Variants in TTN observed in about 807,000 individuals in gnomAD.
The protein encoded by TTN is connectin.
In TTN, 1,525 loss-of-function variants were observed where a neutral mutation model predicts 3,223.0. The ratio of observed to expected loss-of-function variants is 0.47; its 90% CI spans 0.45 to 0.49. The LOEUF (loss-of-function observed/expected upper bound fraction) is 0.49. Ranked by LOEUF, TTN falls within the 20% of genes least tolerant of loss-of-function variation. The pLI, the probability that TTN is intolerant of heterozygous loss-of-function variation, is 0.00. For synonymous variants in TTN, 14,094 were observed against 15,161.0 expected (o/e 0.93, Z 5.17); for missense variants, 40,786 against 43,424.0 (o/e 0.94, Z 5.40).
At position 178,739,566 on chromosome 2, in the gene TTN, A is replaced by C. The variant is rs776109402; in HGVS notation, c.13667T>G (p.Val4556Gly). ...YLDATPVTKG[V>G]ASAVVSDEKQ... The stretch of plus-strand genomic sequence containing the variant: ...TTCGTCAGAGACAACAGCTGAAGCA[A>C]CCCCTTTAGTGACAGGTGTGGCATC... Residue 4556 changes from valine to glycine, a missense_variant, in exon 48 of 363, where the codon GTT (valine) becomes GGT (glycine). Val to Gly is a moderately radical substitution (Grantham distance 109). Transcript: ENST00000589042. 6.2e-7 allele frequency: 1 copy of C among 1,613,694 alleles called. No homozygotes were observed. The highest frequency in any genetic ancestry group is 8.5e-7 in the Non-Finnish European group (1 of 1,179,832).
At chr2:178,527,407 C>A in intron 362 of TTN, 39 bp downstream of exon 362, 1 of 1,596,954 alleles carries the variant, frequency 6.3e-7, no homozygotes, top group Non-Finnish European at 8.6e-7. Context: ...CACCATGTTA[C>A]TTGGCTTGTC....
At chr2:178,604,572 C>A (rs1231206986) in intron 281 of TTN, 136 bp downstream of exon 281, 2 of 1,010,804 alleles carry the variant, frequency 2.0e-6, no homozygotes, top group Non-Finnish European at 2.8e-6. Context: ...TGGGGCTAAA[C>A]ACTACAATAA....
Position 178,571,259 on chromosome 2 carries a change from A to G in TTN, c.74873T>C (p.Leu24958Ser). The change falls in exon 326 of 363, where the codon TTG (leucine) becomes TCG (serine). Residue 24958 changes from leucine (L) to serine (S), a missense_variant. Leu to Ser is a moderately radical substitution (Grantham distance 145). Coordinates refer to ENST00000589042, the MANE Select transcript of TTN (RefSeq NM_001267550.2). ...KERNSILWVK[L>S]NKTPIPQTKF... ...GGTTTGAGGAATAGGTGTTTTATTC[A>G]ACTTAACCCAGAGGATGCTATTTCT... 1 of 1,613,466 alleles carries G rather than the reference A, an allele frequency of 6.2e-7. No homozygotes were observed. The highest frequency in any genetic ancestry group is 1.7e-5 in the Admixed American group (1 of 59,982).
At chr2:178,781,331 C>G (rs2092741472) in intron 20 of TTN, 68 bp from the exon 21 acceptor site, 1 of 1,571,690 alleles carries the variant, frequency 6.4e-7, no homozygotes, top group Non-Finnish European at 8.7e-7. Flanking sequence ...AATAATTGGA[C>G]TTATCTGTGA....
chr2:178,745,822 T>C (rs1272358430), intron 47 of TTN: 10 of 1,613,290 alleles, frequency 6.2e-6, no homozygotes, highest in Non-Finnish European at 7.6e-6. Context: ...CTGTACCTAT[T>C]GGTGCATAAC....
chr2:178,621,049 A>G, intron 246 of TTN, 53 bp downstream of exon 246: 3 of 1,605,462 alleles, frequency 1.9e-6, no homozygotes, highest in Non-Finnish European at 2.5e-6. Flanking sequence ...TGGTAAATAC[A>G]AATACAAAAC....
chr2:178,529,110 A>C lies in TTN; in HGVS notation c.106641T>G (p.Ser35547=), dbSNP rs1687836383. 6.2e-7 allele frequency: 1 copy of C among 1,609,830 alleles called. No homozygotes were observed. The highest frequency in any genetic ancestry group is 1.7e-5 in the Admixed American group (1 of 59,312). The change falls in exon 360 of 363, where the codon TCT becomes TCG. Residue 35547 remains serine, a synonymous_variant. Coordinates refer to ENST00000589042, the MANE Select transcript of TTN (RefSeq NM_001267550.2). The stretch of plus-strand genomic sequence containing the variant: ...TTGCCTCTGACATCTTAATTTCTTC[A>C]GACCTTAGGGCTTTTTGGGAAATTT... The part of the protein sequence containing the change: ...QEEISQKALR[S]EEIKMSEAKS...
At chr2:178,587,095 G>C in intron 307 of TTN, 23 bp downstream of exon 307, 3 of 1,612,066 alleles carry the variant, frequency 1.9e-6, no homozygotes, top group Non-Finnish European at 2.5e-6. Flanking sequence ...GGGTTAAAAG[G>C]AGGAAGAAAG....
chr2:178,588,923 A>G lies in TTN; in HGVS notation c.62802T>C (p.Tyr20934=), dbSNP rs762414876. 9.3e-6 allele frequency: 15 copies of G among 1,612,854 alleles called. No homozygotes were observed. The African/African-American group carries it at 1.1e-4, about 11-fold the overall frequency. Reference sequence around the variant, plus strand: ...TATTTTCTGCACGGACTCTGAAAATATATTCATTTCCTTCTATGAGACGTG... The same window carrying G: ...TATTTTCTGCACGGACTCTGAAAATGTATTCATTTCCTTCTATGAGACGTG... ...TVTRLIEGNE[Y]IFRVRAENKI... is the part of the protein sequence containing the mutation. The change falls in exon 304 of 363, where the codon TAT becomes TAC. Residue 20934 remains tyrosine, a synonymous_variant. Coordinates refer to ENST00000589042, the MANE Select transcript of TTN (RefSeq NM_001267550.2).
chr2:178,707,846 T>A (rs758975245), intron 99 of TTN, 33 bp from the exon 100 acceptor site: 16 of 1,537,864 alleles, frequency 1.0e-5, no homozygotes, highest in East Asian at 4.5e-5. Context: ...ATGAGGAACA[T>A]AAAGGCAAAA....
In TTN at chr2:178,774,212, A is replaced by G. The variant is rs756899805; in HGVS notation, c.7052T>C (p.Met2351Thr). Residue 2351 changes from methionine (M) to threonine (T), a missense_variant, in exon 30 of 363, where the codon ATG becomes ACG. Transcript: ENST00000589042. ...ACAGGAATGGGAGGACTTACGTTTC[A>G]TCTTTAATTTACAGGTTGTCTTTTT... The part of the protein sequence containing the change: ...DGKKTTCKLK[M>T]KPRPIAILQG... The G allele has an allele frequency of 6.2e-7, 1 of 1,614,090 alleles. No homozygotes were observed. Among genetic ancestry groups the G allele is most frequent in the South Asian group, 1.1e-5 (1 of 91,070 alleles).
In TTN at chr2:178,539,565, C is replaced by T. The variant is rs199761901; in HGVS notation, c.98500G>A (p.Glu32834Lys). 152 of 1,613,818 alleles carry T rather than the reference C, an allele frequency of 9.4e-5. No homozygotes were observed. In the African/African-American group the frequency reaches 1.5e-3, roughly 16 times the overall value. ...GCGGCTTTAGGCACTTCTCGTCTCT[C>T]GAGGATGTAGCCTAAGATGTCAGCA... Reference protein sequence around the residue: ...GGADILGYILERREVPKAAWY... With the variant: ...GGADILGYILKRREVPKAAWY... Residue 32834 changes from glutamate (E) to lysine (K), a missense_variant, in exon 352 of 363, where the codon GAG (glutamate) becomes AAG (lysine). By Grantham distance (56) the Glu-to-Lys change is moderately conservative. Transcript: ENST00000589042.
In TTN at chr2:178,779,029, T is replaced by G; in HGVS notation, c.4053A>C (p.Ile1351=). ...CTTCATCTTCTGGAAGAACAACAGG[T>G]ATACGCAGACTAGCTCTGCCATCTT... ...FLQDGRASLR[I]PVVLPEDEGI... The change falls in exon 24 of 363, where the codon ATA becomes ATC. Residue 1351 remains isoleucine (I), a synonymous_variant. Transcript: ENST00000589042. 1 of 1,614,036 alleles carries G rather than the reference T, an allele frequency of 6.2e-7. No homozygotes were observed. Among genetic ancestry groups the G allele is most frequent in the Non-Finnish European group, 8.5e-7 (1 of 1,179,958 alleles).
At chr2:178,781,920 G>GTC (rs67028185) in intron 20 of TTN, among the ~76,000 whole-genome samples, 3 of 151,788 alleles carry the variant, frequency 2.0e-5, no homozygotes, top group Non-Finnish European at 4.4e-5. Context: ...GTGTGTGTGT[G>GTC]TGTGTGTGTG....
chr2:178,575,447 C>T lies in TTN; in HGVS notation c.70685G>A (p.Ser23562Asn). 1 of 1,613,564 alleles carries T rather than the reference C, an allele frequency of 6.2e-7. No homozygotes were observed. Among genetic ancestry groups the T allele is most frequent in the Non-Finnish European group, 8.5e-7 (1 of 1,179,614 alleles). ...TTCAATCACATAGCCAGTGATCTTG[C>T]TGCCACCATCGTGTTTGGGCTTAGG... The part of the protein sequence containing the change: ...AWPKPKHDGG[S>N]KITGYVIEAQ... Residue 23562 changes from serine (S) to asparagine (N), a missense_variant, in exon 326 of 363, where the codon AGC becomes AAC. Transcript: ENST00000589042. The surrounding 1 kb of genome is among the most constrained non-coding windows in gnomAD (Gnocchi z 4.0).
rs1446615879 is a variant in TTN at position 178,732,162 on chromosome 2, G to A, written c.16807C>T (p.Leu5603=). ...SFVESTAVLR[L]TDVGIEDSGE... The stretch of plus-strand genomic sequence containing the variant: ...CTGTCTTCGATGCCAACATCTGTCA[G>A]TCTTAGAACTGCAGTAGACTCCACA... Residue 5603 remains leucine (L), a synonymous_variant, in exon 57 of 363, where the codon CTG becomes TTG. Transcript: ENST00000589042. 6.2e-7 allele frequency: 1 copy of A among 1,613,806 alleles called. No homozygotes were observed. Among genetic ancestry groups the A allele is most frequent in the Non-Finnish European group, 8.5e-7 (1 of 1,179,762 alleles).
rs988211292 is a variant in TTN at position 178,673,726 on chromosome 2, A to G, written c.34709-16T>C. ...ACTTCAGGCACTTAAAAGAAATTTT[A>G]TGAACATTTTGAAAAGTGGCATGTG... is the stretch of plus-strand genomic sequence containing the variant. On this transcript the variant is annotated splice_polypyrimidine_tract_variant and intron_variant, in intron 151 of 362. Coordinates refer to ENST00000589042, the MANE Select transcript of TTN (RefSeq NM_001267550.2). 3 of 1,586,588 alleles carry G rather than the reference A, an allele frequency of 1.9e-6. No homozygotes were observed. The highest frequency in any genetic ancestry group is 1.7e-6 in the Non-Finnish European group (2 of 1,169,614).
In TTN at chr2:178,714,488, A is replaced by G; in HGVS notation, c.26286T>C (p.Ala8762=). Residue 8762 remains alanine (A), a synonymous_variant, in exon 91 of 363, where the codon GCT becomes GCC. Transcript: ENST00000589042. ...EVQLQTTIEG[A]EPISVVWFKD... Reference sequence around the variant, plus strand: ...TGAACCACACCACTGAAATGGGTTCAGCGCCTTCAATGGTAGTCTGCAGCT... The same window carrying G: ...TGAACCACACCACTGAAATGGGTTCGGCGCCTTCAATGGTAGTCTGCAGCT... 6.2e-7 allele frequency: 1 copy of G among 1,613,546 alleles called. No homozygotes were observed. Among genetic ancestry groups the G allele is most frequent in the Non-Finnish European group, 8.5e-7 (1 of 1,179,662 alleles).
intron 359 of TTN, 42 bp downstream of exon 359, chr2:178,529,918 T>C: frequency 6.4e-7 from 1 of 1,562,516 alleles, no homozygotes; most frequent in African/African-American, 1.4e-5. Context: ...TCCCTAATAT[T>C]ATCTTCTGAA....
Sources: gnomAD v4.1 joint callset for allele counts (sites outside exome capture counted in the v4.1 genomes callset) on GRCh38, gnomAD v4.1.1 for gene constraint, Gnocchi (gnomAD v3.1) non-coding constraint, MANE v1.5 for transcripts, NCBI Gene and HGNC (gene_info 2026-07-23, HGNC 2026-07-21) for gene names.